The following ZNF610 variants were observed in gnomAD, a reference collection of about 807,000 sequenced individuals.
ZNF610 encodes the protein zink finger protein.
Under a neutral mutation model 14.1 loss-of-function variants are expected in ZNF610, and 14 were observed. The ratio of observed to expected loss-of-function variants is 0.99; its 90% confidence interval spans 0.65 to 1.55. The LOEUF is 1.55. Ranked by LOEUF, ZNF610 falls within the 40% of genes most tolerant of loss-of-function variation. ZNF610 has a pLI of 0.00. For synonymous variants in ZNF610, 185 were observed against 187.6 expected (o/e 0.99, Z 0.11); for missense variants, 530 against 558.0 (o/e 0.95, Z 0.51).
the ZNF610 span, among the ~76,000 whole-genome samples, chr19:52,330,829 C>G: frequency 6.6e-6 from 1 of 152,094 alleles, no homozygotes; most frequent in Non-Finnish European, 1.5e-5. Context: ...AATGGGATAC[C>G]ATGAAGAGAC....
At position 52,336,477 on chromosome 19, in the gene ZNF610, C is replaced by G. The variant is rs962716539; in HGVS notation, c.-287C>G. ...GTGTTAAAATCGCTCGGCGACGGGT[C>G]CTGTCCCCGCTCGTTCTGCCTTGGG... On this transcript the variant is annotated 5_prime_UTR_variant, in exon 1 of 6. Transcript: ENST00000403906. 14 of 166,718 alleles carry G rather than the reference C, an allele frequency of 8.4e-5. No individual in the cohort carries two copies. The highest frequency in any genetic ancestry group is 3.3e-4 in the Admixed American group (5 of 15,346). The allele number at this position is 166,718 out of a possible 1,614,324, so 10.3% of individuals were successfully genotyped here.
In ZNF610 at chr19:52,366,226, C is replaced by G. The variant is rs1190117263; in HGVS notation, c.848C>G (p.Thr283Ser). The G allele has an allele frequency of 1.9e-6, 3 of 1,614,044 alleles. No individual in the cohort carries two copies. The highest frequency in any genetic ancestry group is 2.7e-5 in the African/African-American group (2 of 75,028). The change falls in exon 6 of 6, where the codon ACT becomes AGT. Residue 283 changes from threonine (T) to serine (S), a missense_variant. Thr to Ser is a moderately conservative substitution (Grantham distance 58). Coordinates refer to ENST00000403906, the MANE Select transcript of ZNF610 (RefSeq NM_001161425.2). ...SNLARHQRIH[T>S]GEKPHKCNEC... ...CTTGCACGACATCAAAGAATTCATACTGGAGAGAAGCCTCACAAATGTAAC... is the reference window on the plus strand; with the variant it reads ...CTTGCACGACATCAAAGAATTCATAGTGGAGAGAAGCCTCACAAATGTAAC...
intron 5 of ZNF610, among the ~76,000 whole-genome samples, chr19:52,357,581 C>T (rs1985586403): frequency 7.4e-6 from 1 of 134,374 alleles, no homozygotes; most frequent in African/African-American, 2.8e-5. Flanking sequence ...GGAGGCGGAG[C>T]TTGCAGTGAG....
intron 2 of ZNF610, among the ~76,000 whole-genome samples, chr19:52,348,460 A>C (rs949071057): frequency 1.3e-5 from 2 of 152,120 alleles, no homozygotes; most frequent in African/African-American, 4.8e-5. Context: ...TTTGGATCCT[A>C]GAAATACTGA....
At chr19:52,346,661 A>C (rs960429798) in intron 1 of ZNF610, among the ~76,000 whole-genome samples, 1 of 152,214 alleles carries the variant, frequency 6.6e-6, no homozygotes, top group Admixed American at 6.5e-5. Flanking sequence ...AAGAACATTT[A>C]GGAAGAAAAA....
At chr19:52,331,657 A>T (rs1205946370), upstream of ZNF610, among the ~76,000 whole-genome samples, 1 of 152,184 alleles carries the variant, frequency 6.6e-6, no homozygotes, top group African/African-American at 2.4e-5. Flanking sequence ...GGCTCCTTGA[A>T]GTTATCTAAT....
At chr19:52,330,336 CTT>C in the ZNF610 span, 2 of 152,130 alleles carry the variant, frequency 1.3e-5, no homozygotes, top group African/African-American at 4.8e-5. Context: ...TCACCAGACT[CTT>C]TTCTGCTCCC....
upstream of ZNF610, chr19:52,336,189 C>CCCCG (rs1555800476): frequency 5.6e-6 from 1 of 179,216 alleles, no homozygotes; most frequent in Non-Finnish European, 1.2e-5. Context: ...CCTAGGGAAG[C>CCCCG]CCCGCCCCGT....
upstream of ZNF610, among the ~76,000 whole-genome samples, chr19:52,334,936 A>ACACACACACACACACACACACAC (rs1984299564): frequency 1.7e-4 from 7 of 41,530 alleles, no homozygotes; most frequent in East Asian, 4.6e-4. Context: ...CTCAAAAACA[A>ACACACACACACACACACACACAC]ACACACACAC....
intron 4 of ZNF610, 124 bp downstream of exon 4, chr19:52,353,932 G>GA (rs1406094127): frequency 7.8e-7 from 1 of 1,286,400 alleles, no homozygotes; most frequent in East Asian, 2.3e-5. Context: ...ACTCAGAAAT[G>GA]AAAAGCTCTA....
chr19:52,338,591 G>C (rs896599161), intron 1 of ZNF610, among the ~76,000 whole-genome samples: 2 of 152,142 alleles, frequency 1.3e-5, no homozygotes, highest in African/African-American at 4.8e-5. Context: ...TGAGACACAA[G>C]AATCTCTTGA....
Position 52,360,438 on chromosome 19 carries a change from A to G in ZNF610, c.320-5260A>G, listed in dbSNP as rs533147654. Among the ~76,000 whole-genome samples the G allele has an allele frequency of 2.6e-5, 4 of 152,366 alleles. No homozygotes were observed. The South Asian group carries it at 8.3e-4, about 32-fold the overall frequency. ...CTTCCCTGGACACCAAGGGACAGCT[A>G]TATTCTCAATAGAAATAATGCAACA... is the stretch of plus-strand genomic sequence containing the variant. On this transcript the variant is annotated intron_variant, in intron 5 of 5. Transcript: ENST00000403906.
intron 3 of ZNF610, among the ~76,000 whole-genome samples, chr19:52,350,087 G>T (rs535334917): frequency 1.3e-5 from 2 of 152,272 alleles, no homozygotes; most frequent in South Asian, 4.1e-4. Context: ...TACAGCATCT[G>T]TGTTAGGTGA....
intron 3 of ZNF610, among the ~76,000 whole-genome samples, chr19:52,351,434 C>T (rs749363583): frequency 4.6e-5 from 7 of 150,736 alleles, no homozygotes; most frequent in Admixed American, 6.6e-5. Flanking sequence ...CCAGCCTGGG[C>T]GACACAGCGA....
intron 5 of ZNF610, among the ~76,000 whole-genome samples, chr19:52,356,141 G>A (rs544941846): frequency 2.6e-5 from 4 of 152,252 alleles, no homozygotes; most frequent in African/African-American, 7.2e-5. Flanking sequence ...GTCAGGAACC[G>A]GGGAAGAGAC....
At chr19:52,338,891 C>T (rs944586063) in intron 1 of ZNF610, among the ~76,000 whole-genome samples, 20 of 150,968 alleles carry the variant, frequency 1.3e-4, no homozygotes, top group African/African-American at 4.6e-4. Flanking sequence ...AAAGTGGGCC[C>T]AGGGGACCGG....
chr19:52,362,150 C>G (rs1334645025), intron 5 of ZNF610, among the ~76,000 whole-genome samples: 1 of 152,166 alleles, frequency 6.6e-6, no homozygotes, highest in African/African-American at 2.4e-5. Context: ...TGGGATTACG[C>G]CTGTAATCCC....
Position 52,365,721 on chromosome 19 carries a change from A to C in ZNF610, c.343A>C (p.Asn115His), listed in dbSNP as rs61734961. 6,538 of 1,609,672 alleles carry C rather than the reference A, an allele frequency of 4.1e-3. 257 individuals are homozygous for C. In the African/African-American group the frequency reaches 0.077, roughly 19 times the overall value. ...AGGGAGGAGCTGTGTATTGGGAAGC[A>C]ATGCAGAAAACAAGCCTATTAAAAA... ...NTGRSCVLGS[N>H]AENKPIKNQL... Residue 115 changes from asparagine (N) to histidine (H), a missense_variant, in exon 6 of 6, where the codon AAT (asparagine) becomes CAT (histidine). Coordinates refer to ENST00000403906, the MANE Select transcript of ZNF610 (RefSeq NM_001161425.2).
At chr19:52,352,091 T>C (rs1225473887) in intron 3 of ZNF610, among the ~76,000 whole-genome samples, 1 of 152,202 alleles carries the variant, frequency 6.6e-6, no homozygotes, top group Non-Finnish European at 1.5e-5. Context: ...GACATTACTC[T>C]TTTAGTAGAG....
Sources: allele counts gnomAD v4.1 joint callset (sites outside exome capture counted in the v4.1 genomes callset), GRCh38; gene constraint gnomAD v4.1.1; transcripts MANE v1.5; gene names NCBI Gene and HGNC (gene_info 2026-07-23, HGNC 2026-07-21).